The following SLAIN2 variants were observed in gnomAD, a reference collection of about 807,000 sequenced individuals.
SLAIN2 encodes SLAIN family member 2.
SLAIN2 carries 31 observed loss-of-function variants against 56.6 expected under a neutral mutation model. That is an observed-to-expected ratio of 0.55 (90% CI 0.41 to 0.74). The LOEUF is 0.74. Ranked by LOEUF, SLAIN2 falls within the 30% of genes least tolerant of loss-of-function variation. The probability of loss-of-function intolerance (pLI) is 0.00; values close to 1 mark genes in which losing one functional copy is unlikely to be tolerated. For synonymous variants in SLAIN2, 317 were observed against 284.9 expected, an observed-to-expected ratio of 1.11 and a Z score of -1.13; for missense variants, 777 against 754.2, an observed-to-expected ratio of 1.03 and a Z score of -0.35.
intron 1 of SLAIN2, among the ~76,000 whole-genome samples, chr4:48,347,315 G>A (rs432927): frequency 0.6 from 88,917 of 148,136 alleles, 27,148 homozygotes; most frequent in South Asian, 0.71. Flanking sequence ...TGCAGCTTCA[G>A]TACCACCCCC....
intron 5 of SLAIN2, 150 bp from the exon 6 acceptor site, chr4:48,383,497 G>GT (rs902066753): frequency 1.9e-4 from 119 of 619,484 alleles, no homozygotes; most frequent in East Asian, 4.9e-4. Flanking sequence ...CGAGTTGTTT[G>GT]TTTTTTTTAA....
At chr4:48,342,754 T>C (rs1714755295) in intron 1 of SLAIN2, among the ~76,000 whole-genome samples, 1 of 119,022 alleles carries the variant, frequency 8.4e-6, no homozygotes, top group Admixed American at 1.2e-4. Context: ...GTGTGAAGAG[T>C]CAAGGGTGGA....
intron 2 of SLAIN2, among the ~76,000 whole-genome samples, chr4:48,377,005 A>T (rs576665584): frequency 4.0e-5 from 6 of 150,028 alleles, no homozygotes; most frequent in African/African-American, 1.5e-4. Flanking sequence ...AAAAATCCAA[A>T]CTTTGAAAAG....
At chr4:48,351,810 G>A (rs1715015900) in intron 1 of SLAIN2, among the ~76,000 whole-genome samples, 1 of 152,204 alleles carries the variant, frequency 6.6e-6, no homozygotes, top group African/African-American at 2.4e-5. Context: ...AATGAACATA[G>A]AATTCTGTTC....
intron 6 of SLAIN2, among the ~76,000 whole-genome samples, chr4:48,387,643 C>T (rs116393149): frequency 0.015 from 2,321 of 151,186 alleles, 42 homozygotes; most frequent in African/African-American, 0.052. Context: ...ATACTGTTCT[C>T]AAAAATGTAT....
In SLAIN2 at chr4:48,348,883, A is replaced by G. The variant is rs115775398; in HGVS notation, c.389+6755A>G. On this transcript the variant is annotated intron_variant, in intron 1 of 7. Transcript: ENST00000264313. Reference sequence around the variant, plus strand: ...ATTTTGAAAACCATTAGAAGTCATTATCTTGCCTGGTGAATAAAAATGAGT... The same window carrying G: ...ATTTTGAAAACCATTAGAAGTCATTGTCTTGCCTGGTGAATAAAAATGAGT... Among the ~76,000 whole-genome samples, 575 of 152,306 alleles carry G rather than the reference A, an allele frequency of 3.8e-3. 5 individuals carry two copies. Among genetic ancestry groups the G allele is most frequent in the African/African-American group, 0.013 (533 of 41,568 alleles).
At chr4:48,356,477 T>A (rs1423217238) in intron 1 of SLAIN2, among the ~76,000 whole-genome samples, 1 of 152,148 alleles carries the variant, frequency 6.6e-6, no homozygotes, top group African/African-American at 2.4e-5. Flanking sequence ...GCTGAAAAGA[T>A]CTGTACTAGT....
chr4:48,363,806 G>A (rs868863404), intron 1 of SLAIN2, among the ~76,000 whole-genome samples: 160 of 62,306 alleles, frequency 2.6e-3, no homozygotes, highest in African/African-American at 1.0e-2. Context: ...GCTGACCCCC[G>A]CATCTCCCTC....
intron 6 of SLAIN2, among the ~76,000 whole-genome samples, chr4:48,387,897 A>G (rs1428438643): frequency 6.6e-6 from 1 of 152,124 alleles, no homozygotes; most frequent in Non-Finnish European, 1.5e-5. Flanking sequence ...TATATACTTT[A>G]TACATGAATT....
At chr4:48,380,511 T>C (rs1407307927) in intron 4 of SLAIN2, among the ~76,000 whole-genome samples, 1 of 152,192 alleles carries the variant, frequency 6.6e-6, no homozygotes, top group African/African-American at 2.4e-5. Context: ...GAGTGAATGA[T>C]GAAAACTTTT....
At chr4:48,353,035 G>A (rs1715053654) in intron 1 of SLAIN2, among the ~76,000 whole-genome samples, 1 of 152,114 alleles carries the variant, frequency 6.6e-6, no homozygotes, top group Admixed American at 6.5e-5. Flanking sequence ...GATGTGACTT[G>A]CTCCTGCTTG....
rs571892306 is a variant in SLAIN2, at chr4:48,345,747, C to T, written c.389+3619C>T. On this transcript the variant is annotated intron_variant, in intron 1 of 7. Transcript: ENST00000264313. The stretch of plus-strand genomic sequence containing the variant: ...TTCCTTTTGTTAGTTTTTATTTACA[C>T]ATTTAATATTATGTTTCTGAGTTAT... Among the ~76,000 whole-genome samples, 18 of 151,860 alleles carry T rather than the reference C, an allele frequency of 1.2e-4. No individual in the cohort carries two copies. In the East Asian group the frequency reaches 2.9e-3, roughly 24 times the overall value.
chr4:48,412,244 ATTT>A (rs1195791583), intron 6 of SLAIN2, among the ~76,000 whole-genome samples: 1 of 152,170 alleles, frequency 6.6e-6, no homozygotes, highest in East Asian at 1.9e-4. Context: ...GATATCATGT[ATTT>A]TGATACCTAA....
At chr4:48,370,458 A>C (rs913460459) in intron 2 of SLAIN2, among the ~76,000 whole-genome samples, 2 of 152,240 alleles carry the variant, frequency 1.3e-5, no homozygotes, top group African/African-American at 4.8e-5. Flanking sequence ...TTGTCTCATA[A>C]GAATGATGAA....
intron 3 of SLAIN2, among the ~76,000 whole-genome samples, chr4:48,379,067 C>T (rs1715902911): frequency 6.6e-6 from 1 of 152,064 alleles, no homozygotes; most frequent in Admixed American, 6.5e-5. Context: ...GAAAATATTT[C>T]ATTAGAAACA....
chr4:48,381,559 A>G (rs1342939900), intron 4 of SLAIN2, among the ~76,000 whole-genome samples: 3 of 152,198 alleles, frequency 2.0e-5, no homozygotes, highest in South Asian at 4.1e-4. Flanking sequence ...CATGTTGGCT[A>G]TAACTAGACA....
At chr4:48,398,156 C>T (rs2109774700) in intron 6 of SLAIN2, among the ~76,000 whole-genome samples, 1 of 152,268 alleles carries the variant, frequency 6.6e-6, no homozygotes, top group African/African-American at 2.4e-5. Flanking sequence ...TCTCCACAGC[C>T]TCGCCAGCCA....
intron 2 of SLAIN2, among the ~76,000 whole-genome samples, chr4:48,377,018 G>A (rs1458144368): frequency 1.3e-5 from 2 of 149,042 alleles, no homozygotes; most frequent in South Asian, 2.1e-4. Flanking sequence ...TTGAAAAGGC[G>A]ATTTAAACAA....
intron 6 of SLAIN2, among the ~76,000 whole-genome samples, chr4:48,389,974 C>T (rs1281258751): frequency 2.6e-5 from 4 of 152,046 alleles, no homozygotes; most frequent in Admixed American, 1.3e-4. Flanking sequence ...CTAGAAACCA[C>T]TTAGGCTATT....
Sources: allele counts gnomAD v4.1 joint callset (sites outside exome capture counted in the v4.1 genomes callset), GRCh38; gene constraint gnomAD v4.1.1; transcripts MANE v1.5; gene names NCBI Gene and HGNC (gene_info 2026-07-23, HGNC 2026-07-21).